Variants in TBC1D2 observed in about 807,000 individuals in gnomAD.
TBC1D2 encodes the protein TBC1 domain family member 2, also known as TBC1 domain family member 2A.
TBC1D2 carries 58 observed loss-of-function variants against 91.1 expected under a neutral mutation model. That is an observed-to-expected ratio of 0.64 (90% CI 0.52 to 0.79). The LOEUF is 0.79. Among genes scored for constraint, TBC1D2 ranks in the 30% least tolerant of loss-of-function variants. The pLI is 0.00. For synonymous variants in TBC1D2, 482 were observed against 511.5 expected, an observed-to-expected ratio of 0.94 and a Z score of 0.78; for missense variants, 1,080 against 1,208.3, an observed-to-expected ratio of 0.89 and a Z score of 1.57.
rs181751658 is a variant in TBC1D2, at chr9:98,214,714, G to A, written c.1375-1496C>T. ...CACAGGTGGTCCTGGCCCTCCCTGG[G>A]TGGGTCTTCACTCTGGCCAAGATGA... On this transcript the variant is annotated intron_variant, in intron 6 of 12. Transcript: ENST00000465784. Among the ~76,000 whole-genome samples the A allele has an allele frequency of 2.0e-5, 3 of 152,330 alleles. No homozygotes were observed. In the East Asian group the frequency reaches 5.8e-4, roughly 29 times the overall value.
At chr9:98,247,137 G>A (rs1170142466) in intron 2 of TBC1D2, among the ~76,000 whole-genome samples, 1 of 151,914 alleles carries the variant, frequency 6.6e-6, no homozygotes, top group Non-Finnish European at 1.5e-5. Flanking sequence ...AGATCAGCCT[G>A]GCCAACGTGG....
At chr9:98,205,800 G>A (rs1828635732) in intron 9 of TBC1D2, among the ~76,000 whole-genome samples, 1 of 151,988 alleles carries the variant, frequency 6.6e-6, no homozygotes, top group Admixed American at 6.6e-5. Context: ...GGGCTCAAGG[G>A]ATCCACCCAC....
Position 98,233,486 on chromosome 9 carries a change from C to CCCTGGAG in TBC1D2, c.704_710dup (p.Glu238SerfsTer21). The CCCTGGAG allele has an allele frequency of 3.1e-6, 5 of 1,614,184 alleles. No individual in the cohort carries two copies. The highest frequency in any genetic ancestry group is 4.2e-6 in the Non-Finnish European group (5 of 1,180,010). On this transcript the variant is annotated frameshift_variant, in exon 4 of 13. Transcript: ENST00000465784. LOFTEE classifies it high-confidence loss of function. ...GCTCCCCACTCTGTGGAGAATCTTC[C>CCCTGGAG]CCTGGAGGTTCATGGCCTGTTCCCT... is the stretch of plus-strand genomic sequence containing the variant.
intron 1 of TBC1D2, among the ~76,000 whole-genome samples, chr9:98,252,172 A>G (rs1006919501): frequency 2.0e-5 from 3 of 152,188 alleles, no homozygotes; most frequent in Admixed American, 6.5e-5. Context: ...AATAAGTCTC[A>G]TTGCATAGGA....
intron 3 of TBC1D2, among the ~76,000 whole-genome samples, chr9:98,243,773 G>C (rs1248180079): frequency 2.0e-5 from 3 of 152,130 alleles, no homozygotes; most frequent in Non-Finnish European, 4.4e-5. Context: ...CTGACCTCCA[G>C]TGATCCGCCC....
intron 5 of TBC1D2, among the ~76,000 whole-genome samples, chr9:98,223,488 G>T (rs550193549): frequency 5.9e-4 from 90 of 152,238 alleles, no homozygotes; most frequent in Non-Finnish European, 7.6e-4. Context: ...CATTCCTGTG[G>T]TTCCAGGAAA....
chr9:98,203,730 C>T (rs1483024440), intron 9 of TBC1D2, among the ~76,000 whole-genome samples: 2 of 152,240 alleles, frequency 1.3e-5, no homozygotes, highest in African/African-American at 4.8e-5. Flanking sequence ...GCCTCAGTCT[C>T]ATAATAATCA....
chr9:98,212,646 C>T (rs1357873977), intron 7 of TBC1D2, among the ~76,000 whole-genome samples: 5 of 152,104 alleles, frequency 3.3e-5, no homozygotes, highest in African/African-American at 4.8e-5. Flanking sequence ...GGACTGCAGG[C>T]GCCCGCCACC....
intron 4 of TBC1D2, among the ~76,000 whole-genome samples, chr9:98,230,966 T>C (rs925551872): frequency 6.6e-6 from 1 of 152,144 alleles, no homozygotes; most frequent in African/African-American, 2.4e-5. Context: ...CAGGTTACAC[T>C]GGGTACAAGG....
rs112284771 is a variant in TBC1D2, at chr9:98,204,174, G to A, written c.2151-766C>T. ...CATCTTCCCTGGCAGCTCTCATCCC[G>A]GGCCAATCCAAGAAGTCATTTTCCA... On this transcript the variant is annotated intron_variant, in intron 9 of 12. Transcript: ENST00000465784. Among the ~76,000 whole-genome samples the A allele has an allele frequency of 7.2e-5, 11 of 152,198 alleles. 1 individual carries two copies. Among genetic ancestry groups the A allele is most frequent in the South Asian group, 4.2e-4 (2 of 4,816 alleles).
chr9:98,212,195 G>A (rs1828860883), intron 7 of TBC1D2, among the ~76,000 whole-genome samples: 1 of 152,094 alleles, frequency 6.6e-6, no homozygotes, highest in South Asian at 2.1e-4. Context: ...CAGTCTTCTT[G>A]GAACAGGAAC....
At chr9:98,236,469 C>A (rs993508851) in intron 3 of TBC1D2, among the ~76,000 whole-genome samples, 3 of 152,046 alleles carry the variant, frequency 2.0e-5, no homozygotes, top group Non-Finnish European at 4.4e-5. Flanking sequence ...GTGATCCACC[C>A]GCCTTGGCTT....
chr9:98,233,695 G>GT, intron 3 of TBC1D2, 146 bp from the exon 4 acceptor site: 1 of 1,216,312 alleles, frequency 8.2e-7, no homozygotes, highest in South Asian at 1.5e-5. Flanking sequence ...CACCCTACAT[G>GT]ATGCCTCCCC....
At chr9:98,199,982 C>A (rs144769370) in intron 12 of TBC1D2, among the ~76,000 whole-genome samples, 1 of 152,118 alleles carries the variant, frequency 6.6e-6, no homozygotes, top group Non-Finnish European at 1.5e-5. Context: ...CCTAGGAACT[C>A]GTATAATTCT....
intron 2 of TBC1D2, among the ~76,000 whole-genome samples, chr9:98,244,659 C>CAAAAAA (rs59871511): frequency 2.3e-4 from 11 of 46,894 alleles, no homozygotes; most frequent in Non-Finnish European, 2.4e-4. Context: ...AACTCCGTCT[C>CAAAAAA]AAAAAAAAAA....
At chr9:98,240,700 G>A (rs1031321744) in intron 3 of TBC1D2, among the ~76,000 whole-genome samples, 49 of 152,230 alleles carry the variant, frequency 3.2e-4, no homozygotes, top group African/African-American at 1.1e-3. Flanking sequence ...AGTCACCCCT[G>A]GGGTGTGGGA....
intron 7 of TBC1D2, among the ~76,000 whole-genome samples, chr9:98,211,176 C>G (rs1246799489): frequency 6.6e-6 from 1 of 152,228 alleles, no homozygotes; most frequent in African/African-American, 2.4e-5. Flanking sequence ...CTTAACCTTT[C>G]TGTGCCTTAA....
chr9:98,232,374 C>T (rs908978322), intron 4 of TBC1D2, among the ~76,000 whole-genome samples: 4 of 116,080 alleles, frequency 3.4e-5, no homozygotes, highest in African/African-American at 1.8e-4. Context: ...CACTCTGTCA[C>T]CCATGCATGA....
Position 98,199,060 on chromosome 9 carries a change from A to G in TBC1D2, c.*321T>C, listed in dbSNP as rs1828409433. ...ATTTCCACCATTTACATTGTTTTAT[A>G]TTGATATAACCTAGAGAATGTTCCA... On this transcript the variant is annotated 3_prime_UTR_variant, in exon 13 of 13. Coordinates refer to ENST00000465784, the MANE Select transcript of TBC1D2 (RefSeq NM_001267571.2). The G allele has an allele frequency of 2.1e-6, 1 of 486,612 alleles. No individual in the cohort carries two copies. Among genetic ancestry groups the G allele is most frequent in the African/African-American group, 1.9e-5 (1 of 51,724 alleles). 30.1% of individuals were successfully genotyped at this position (486,612 alleles called of 1,614,324 possible).
Sources: allele counts gnomAD v4.1 joint callset (sites outside exome capture counted in the v4.1 genomes callset), GRCh38; gene constraint gnomAD v4.1.1; transcripts MANE v1.5; gene names NCBI Gene and HGNC (gene_info 2026-07-23, HGNC 2026-07-21).